The following SOAT2 variants were observed in gnomAD, a reference collection of about 807,000 sequenced individuals.
SOAT2 encodes ACAT-2.
A neutral mutation model predicts 76.0 loss-of-function variants in SOAT2; 87 were observed. The ratio of observed to expected loss-of-function variants is 1.14; its 90% confidence interval spans 0.96 to 1.37. The LOEUF (loss-of-function observed/expected upper bound fraction) is 1.37. SOAT2 is among the 40% of genes most tolerant of loss of function. The probability of loss-of-function intolerance (pLI) is 0.00; values close to 1 mark genes in which losing one functional copy is unlikely to be tolerated. For synonymous variants in SOAT2, 285 were observed against 275.4 expected, an observed-to-expected ratio of 1.03 and a Z score of -0.34; for missense variants, 686 against 682.1, an observed-to-expected ratio of 1.01 and a Z score of -0.06.
At position 53,120,797 on chromosome 12, in the gene SOAT2, C is replaced by T. The variant is rs761115450; in HGVS notation, c.1051C>T (p.Leu351=). The change falls in exon 11 of 15, where the codon CTG becomes TTG. Residue 351 remains leucine (L), a synonymous_variant. Coordinates refer to ENST00000301466, the MANE Select transcript of SOAT2 (RefSeq NM_003578.4). The part of the protein sequence containing the change: ...LHATLPGIFM[L]LLIFFAFLHC... ...TCCCCAACCACCAGGCATCTTCATG[C>T]TGCTGCTCATCTTCTTTGCCTTCCT... is the stretch of plus-strand genomic sequence containing the variant. 6.2e-7 allele frequency: 1 copy of T among 1,613,792 alleles called. No homozygotes were observed. Among genetic ancestry groups the T allele is most frequent in the Non-Finnish European group, 8.5e-7 (1 of 1,179,694 alleles).
Position 53,123,829 on chromosome 12 carries a change from T to C in SOAT2, c.1474T>C (p.Tyr492His). ...AGGCCAGGGAATCCAGGTCAGCCTG[T>C]ACTGCCAGGAGTGGTACGCACGGCG... ...FLGQGIQVSL[Y>H]CQEWYARRHC... Residue 492 changes from tyrosine (Y) to histidine (H), a missense_variant, in exon 14 of 15, where the codon TAC becomes CAC. By Grantham distance (83) the Tyr-to-His change is moderately conservative. Transcript: ENST00000301466. 3.1e-6 allele frequency: 5 copies of C among 1,614,176 alleles called. No homozygotes were observed. Among genetic ancestry groups the C allele is most frequent in the Non-Finnish European group, 4.2e-6 (5 of 1,180,034 alleles).
rs1484610309 is a variant in SOAT2 at position 53,123,603 on chromosome 12, G to A, written c.1373-125G>A. 14 of 1,150,846 alleles carry A rather than the reference G, an allele frequency of 1.2e-5. No homozygotes were observed. The East Asian group carries it at 3.2e-4, about 26-fold the overall frequency. The allele number at this position is 1,150,846 out of a possible 1,614,324, so 71.3% of individuals were successfully genotyped here. ...TAGACCTCTACGAATTTCTGCACCT[G>A]AGTTCAAGATCTTCTCCAATGGGGC... On this transcript the variant is annotated intron_variant, in intron 13 of 14. Transcript: ENST00000301466.
intron 6 of SOAT2, 106 bp from the exon 7 acceptor site, chr12:53,115,991 A>T: frequency 1.0e-6 from 1 of 979,840 alleles, no homozygotes; most frequent in East Asian, 2.4e-5. Flanking sequence ...GACCAGACAG[A>T]TCTTACACTC....
chr12:53,105,525 A>G, intron 3 of SOAT2, 36 bp from the exon 4 acceptor site: 1 of 1,595,934 alleles, frequency 6.3e-7, no homozygotes, highest in East Asian at 2.2e-5. Context: ...CTGCCCATTT[A>G]CTTTTTCCTG....
At chr12:53,121,202 G>A (rs908590716) in intron 11 of SOAT2, 101 bp from the exon 12 acceptor site, 1 of 856,248 alleles carries the variant, frequency 1.2e-6, no homozygotes, top group Non-Finnish European at 2.0e-6. Flanking sequence ...AGCCCTTCTG[G>A]AACACTGGGA....
chr12:53,118,136 A>C (rs1325745281), intron 7 of SOAT2, among the ~76,000 whole-genome samples: 1 of 152,046 alleles, frequency 6.6e-6, no homozygotes, highest in African/African-American at 2.4e-5. Context: ...CTGAAATGAC[A>C]GCAGAAGAGA....
At chr12:53,120,751 A>C (rs746890075) in intron 10 of SOAT2, 35 bp from the exon 11 acceptor site, 1 of 1,540,506 alleles carries the variant, frequency 6.5e-7, no homozygotes, top group African/African-American at 1.4e-5. Flanking sequence ...CATGTGGGCC[A>C]GCCTGACCTG....
In SOAT2 at chr12:53,104,140, C is replaced by A. The variant is rs1320727896; in HGVS notation, c.83-11C>A. 1.2e-6 allele frequency: 2 copies of A among 1,612,554 alleles called. No homozygotes were observed. The highest frequency in any genetic ancestry group is 1.7e-6 in the Non-Finnish European group (2 of 1,178,866). ...CCTCCTGTTGACTGTGCCTTTGATCCCTCCTCACAGGAAACACTGAGACGC... is the reference window on the plus strand; with the variant it reads ...CCTCCTGTTGACTGTGCCTTTGATCACTCCTCACAGGAAACACTGAGACGC... On this transcript the variant is annotated splice_polypyrimidine_tract_variant and intron_variant, in intron 1 of 14. Transcript: ENST00000301466.
In SOAT2 at chr12:53,115,472, T is replaced by A. The variant is rs375659265; in HGVS notation, c.526T>A (p.Ser176Thr). ...ALVTWVPMFL[S>T]TLLAPYQALR... ...GGTGACCTGGGTGCCCATGTTTCTG[T>A]CCACCCTGTTGGCGCCGTACCAGGC... Residue 176 changes from serine (S) to threonine (T), a missense_variant, in exon 6 of 15, where the codon TCC becomes ACC. Ser to Thr is a moderately conservative substitution (Grantham distance 58). Coordinates refer to ENST00000301466, the MANE Select transcript of SOAT2 (RefSeq NM_003578.4). 2 of 1,612,284 alleles carry A rather than the reference T, an allele frequency of 1.2e-6. No homozygotes were observed. Among genetic ancestry groups the A allele is most frequent in the Non-Finnish European group, 1.7e-6 (2 of 1,179,866 alleles).
At chr12:53,112,157 C>T (rs755097710) in intron 5 of SOAT2, among the ~76,000 whole-genome samples, 17 of 152,116 alleles carry the variant, frequency 1.1e-4, no homozygotes, top group Non-Finnish European at 1.9e-4. Context: ...CTCAATTACA[C>T]TTCTTAAAAA....
chr12:53,116,621 T>G (rs1252301073), intron 7 of SOAT2, among the ~76,000 whole-genome samples: 1 of 152,164 alleles, frequency 6.6e-6, no homozygotes, highest in Non-Finnish European at 1.5e-5. Flanking sequence ...CCCAGCACTC[T>G]GGGACACTGA....
intron 6 of SOAT2, 142 bp from the exon 7 acceptor site, chr12:53,115,955 C>A: frequency 2.6e-6 from 2 of 766,406 alleles, no homozygotes; most frequent in East Asian, 2.5e-5. Flanking sequence ...TACGGCCATC[C>A]AACAAAAAGA....
rs549619658 is a variant in SOAT2, at chr12:53,106,189, C to G, written c.443+175C>G. Among the ~76,000 whole-genome samples, 8 of 152,390 alleles carry G rather than the reference C, an allele frequency of 5.2e-5. No individual in the cohort carries two copies. The South Asian group carries it at 1.4e-3, about 28-fold the overall frequency. ...CTGAAACACTCTCTAGGATCCCTTC[C>G]TTCCCCAGCCTTGGTTGGCCCTTTG... On this transcript the variant is annotated intron_variant, in intron 5 of 14. Transcript: ENST00000301466.
At chr12:53,116,367 G>C (rs1938108065) in intron 7 of SOAT2, among the ~76,000 whole-genome samples, 2 of 152,232 alleles carry the variant, frequency 1.3e-5, no homozygotes, top group Admixed American at 1.3e-4. Context: ...TGGCACCTCT[G>C]TTACCCAGGA....
intron 7 of SOAT2, 47 bp from the exon 8 acceptor site, chr12:53,118,296 ACCTCTGC>A (rs1414329784): frequency 1.3e-5 from 10 of 791,530 alleles, no homozygotes; most frequent in South Asian, 1.9e-5. Context: ...CAGCCCCCTC[ACCTCTGC>A]CCTCTGCCCT....
In SOAT2 at chr12:53,115,524, G is replaced by C. The variant is rs748445907; in HGVS notation, c.578G>C (p.Trp193Ser). The change falls in exon 6 of 15, where the codon TGG becomes TCG. Residue 193 changes from tryptophan to serine, a missense_variant. Coordinates refer to ENST00000301466, the MANE Select transcript of SOAT2 (RefSeq NM_003578.4). Reference sequence around the variant, plus strand: ...CTACGGCTGTGGGCCAGGGGCACCTGGACGCAGGCGACGGGCCTGGGCTGT... The same window carrying C: ...CTACGGCTGTGGGCCAGGGGCACCTCGACGCAGGCGACGGGCCTGGGCTGT... ...QALRLWARGTWTQATGLGCAL... is the reference protein window; with the variant it reads ...QALRLWARGTSTQATGLGCAL... 3.1e-6 allele frequency: 5 copies of C among 1,604,858 alleles called. No individual in the cohort carries two copies. Among genetic ancestry groups the C allele is most frequent in the Non-Finnish European group, 4.2e-6 (5 of 1,178,882 alleles).
At chr12:53,113,969 C>T (rs1006972333) in intron 5 of SOAT2, among the ~76,000 whole-genome samples, 1 of 151,956 alleles carries the variant, frequency 6.6e-6, no homozygotes, top group African/African-American at 2.4e-5. Flanking sequence ...CTTCAGACCC[C>T]CAATAAAACT....
At chr12:53,121,452 TTCCTTCCCTC>T in intron 12 of SOAT2, 51 bp downstream of exon 12, 2 of 1,434,288 alleles carry the variant, frequency 1.4e-6, no homozygotes, top group Non-Finnish European at 2.0e-6. Context: ...GGGGCTCTCC[TTCCTTCCCTC>T]TCCTTCCCTC....
chr12:53,118,558 T>C, intron 8 of SOAT2, 124 bp downstream of exon 8: 1 of 728,060 alleles, frequency 1.4e-6, no homozygotes, highest in Non-Finnish European at 2.4e-6. Context: ...AAGCATCTCA[T>C]AATAAAGATG....
Sources: allele counts gnomAD v4.1 joint callset (sites outside exome capture counted in the v4.1 genomes callset), GRCh38; gene constraint gnomAD v4.1.1; transcripts MANE v1.5; gene names NCBI Gene and HGNC (gene_info 2026-07-23, HGNC 2026-07-21).